Variants in CACNB2 observed in about 807,000 individuals in gnomAD.
CACNB2 encodes calcium voltage-gated channel auxiliary subunit beta 2.
In CACNB2, 42 loss-of-function variants were observed where a neutral mutation model predicts 73.3. The ratio of observed to expected loss-of-function variants is 0.57; its 90% CI spans 0.45 to 0.74. The LOEUF (loss-of-function observed/expected upper bound fraction) is 0.74. Among genes scored for constraint, CACNB2 ranks in the 30% least tolerant of loss-of-function variants. The pLI, the probability that CACNB2 is intolerant of heterozygous loss-of-function variation, is 0.00. For missense variants in CACNB2, 940 were observed against 853.0 expected (o/e 1.10, Z -1.27); for synonymous variants, 348 against 310.3 (o/e 1.12, Z -1.28).
At chr10:18,371,990 A>C (rs950171460) in intron 2 of CACNB2, among the ~76,000 whole-genome samples, 5 of 152,206 alleles carry the variant, frequency 3.3e-5, no homozygotes, top group African/African-American at 1.2e-4. Context: ...TTTTGCCTGC[A>C]TAAATGTCTT....
intron 2 of CACNB2, among the ~76,000 whole-genome samples, chr10:18,185,860 T>A (rs2034124553): frequency 6.6e-6 from 1 of 152,164 alleles, no homozygotes; most frequent in Non-Finnish European, 1.5e-5. Context: ...AAAATCATGT[T>A]GTCATGGAGA....
intron 2 of CACNB2, among the ~76,000 whole-genome samples, chr10:18,291,475 T>C (rs1211821342): frequency 6.6e-6 from 1 of 152,222 alleles, no homozygotes; most frequent in Non-Finnish European, 1.5e-5. Context: ...ATACAGAAGA[T>C]AACATGTTGC....
chr10:18,426,096 T>C (rs1033856214), intron 3 of CACNB2, among the ~76,000 whole-genome samples: 2 of 152,128 alleles, frequency 1.3e-5, no homozygotes, highest in Non-Finnish European at 2.9e-5. Context: ...CCATATAAAT[T>C]TTAGATACCA....
intron 3 of CACNB2, among the ~76,000 whole-genome samples, chr10:18,475,409 C>T (rs2048390986): frequency 6.6e-6 from 1 of 152,144 alleles, no homozygotes; most frequent in South Asian, 2.1e-4. Flanking sequence ...CAGGAGACCC[C>T]AGCCACCAGT....
chr10:18,184,649 GTTTTTTT>G (rs201899870), intron 2 of CACNB2, among the ~76,000 whole-genome samples: 3,648 of 87,934 alleles, frequency 0.041, 43 homozygotes, highest in African/African-American at 0.08. Flanking sequence ...CTCAGACTTT[GTTTTTTT>G]TTTTTTTTTT....
At chr10:18,145,348 G>A (rs534258493) in intron 1 of CACNB2, among the ~76,000 whole-genome samples, 1 of 152,204 alleles carries the variant, frequency 6.6e-6, no homozygotes, top group East Asian at 1.9e-4. Context: ...GTGGTTACAG[G>A]TCCTGTGCTT....
At chr10:18,291,905 A>G (rs1195620856) in intron 2 of CACNB2, among the ~76,000 whole-genome samples, 2 of 152,178 alleles carry the variant, frequency 1.3e-5, no homozygotes, top group East Asian at 3.8e-4. Flanking sequence ...AAGCATATAA[A>G]TATCTTTGTA....
intron 2 of CACNB2, among the ~76,000 whole-genome samples, chr10:18,305,525 T>C (rs1232025519): frequency 6.6e-6 from 1 of 152,250 alleles, no homozygotes; most frequent in African/African-American, 2.4e-5. Flanking sequence ...TTTTGATTCC[T>C]AAGTCATGAA....
intron 3 of CACNB2, among the ~76,000 whole-genome samples, chr10:18,417,444 C>T (rs1299972339): frequency 7.0e-6 from 1 of 143,712 alleles, no homozygotes; most frequent in Non-Finnish European, 1.5e-5. Context: ...TCTCGGCTCA[C>T]TGCATCCTCT....
At chr10:18,365,463 C>A (rs1363337067) in intron 2 of CACNB2, among the ~76,000 whole-genome samples, 1 of 152,096 alleles carries the variant, frequency 6.6e-6, no homozygotes, top group Admixed American at 6.5e-5. Context: ...ATGTTTTATT[C>A]CAAATGCCAC....
chr10:18,467,666 A>G (rs1422269202), intron 3 of CACNB2, among the ~76,000 whole-genome samples: 1 of 152,230 alleles, frequency 6.6e-6, no homozygotes, highest in Non-Finnish European at 1.5e-5. Context: ...TGACAGTGGC[A>G]GTCAGGAACC....
At chr10:18,207,432 G>C (rs2035141344) in intron 2 of CACNB2, among the ~76,000 whole-genome samples, 1 of 152,188 alleles carries the variant, frequency 6.6e-6, no homozygotes, top group Admixed American at 6.5e-5. Context: ...TGTATAGGAA[G>C]AAACAGTATA....
chr10:18,525,045 A>AC (rs2052332434), intron 9 of CACNB2, among the ~76,000 whole-genome samples: 1 of 151,304 alleles, frequency 6.6e-6, no homozygotes, highest in Non-Finnish European at 1.5e-5. Context: ...AAAAAAAAAA[A>AC]AAAACACATT....
chr10:18,331,770 A>G (rs1018332820), intron 2 of CACNB2, among the ~76,000 whole-genome samples: 1 of 152,312 alleles, frequency 6.6e-6, no homozygotes, highest in South Asian at 2.1e-4. Context: ...GGCCTAGCTC[A>G]GATCTCCAAA....
chr10:18,477,762 G>A (rs1407597230), intron 3 of CACNB2, among the ~76,000 whole-genome samples: 1 of 152,208 alleles, frequency 6.6e-6, no homozygotes, highest in Non-Finnish European at 1.5e-5. Flanking sequence ...TATTCCTCCG[G>A]CTTTCAGTAA....
chr10:18,180,127 G>T (rs902079355), intron 2 of CACNB2, among the ~76,000 whole-genome samples: 10 of 152,172 alleles, frequency 6.6e-5, no homozygotes, highest in African/African-American at 2.4e-4. Flanking sequence ...ATATAAGACT[G>T]TAGTTTAGAA....
intron 3 of CACNB2, among the ~76,000 whole-genome samples, chr10:18,422,908 A>C (rs971901410): frequency 6.6e-6 from 1 of 152,136 alleles, no homozygotes; most frequent in South Asian, 2.1e-4. Flanking sequence ...ATGTTGGTCA[A>C]GCTGGTCTCA....
intron 1 of CACNB2, among the ~76,000 whole-genome samples, chr10:18,146,782 A>C (rs1398524890): frequency 6.6e-6 from 1 of 152,202 alleles, no homozygotes; most frequent in African/African-American, 2.4e-5. Context: ...CACTGTGCCC[A>C]GCCTAACTTT....
rs1287286124 is a variant in CACNB2 at position 18,299,109 on chromosome 10, AAAAAT to A, written c.214-102805_214-102801del. 1.4e-3 allele frequency among the ~76,000 whole-genome samples: 208 copies of A among 151,402 alleles called. 1 individual carries two copies. Among genetic ancestry groups the A allele is most frequent in the African/African-American group, 4.7e-3 (195 of 41,514 alleles). On this transcript the variant is annotated intron_variant, in intron 2 of 13. Transcript: ENST00000324631. The stretch of plus-strand genomic sequence containing the variant: ...AAAATAAAAGAAAAAATAAAAAGAA[AAAAAT>A]AAAATAAAAAAAGAAAAAAAAAGTT...
Sources: gnomAD v4.1 joint callset for allele counts (sites outside exome capture counted in the v4.1 genomes callset) on GRCh38, gnomAD v4.1.1 for gene constraint, MANE v1.5 for transcripts, NCBI Gene and HGNC (gene_info 2026-07-23, HGNC 2026-07-21) for gene names.